Variants in POF1B observed in about 807,000 individuals in gnomAD.
POF1B encodes POF1B actin binding protein.
Under a neutral mutation model 55.3 loss-of-function variants are expected in POF1B, and 53 were observed. The observed-to-expected ratio is 0.96, with a 90% CI of 0.77 to 1.20. The LOEUF is 1.20. POF1B is among the 50% of genes most tolerant of loss of function. POF1B has a pLI of 0.00. For synonymous variants in POF1B, 188 were observed against 148.3 expected (o/e 1.27, Z -1.95); for missense variants, 478 against 420.5 (o/e 1.14, Z -1.20).
At chrX:85,359,036 A>G (rs1933556015) in intron 4 of POF1B, among the ~76,000 whole-genome samples, 1 of 111,067 alleles carries the variant, frequency 9.0e-6, no homozygotes, top group Non-Finnish European at 1.9e-5. Flanking sequence ...AAAAAAATGT[A>G]ATTTTCTAAA....
In POF1B at chrX:85,378,786, C is replaced by CA. The variant is rs763508325; in HGVS notation, c.282+386dup. Reference sequence around the variant, plus strand: ...GTACCTGTATCACCATATTTGATACCAAAAAAAACCTGTTTGCTTCTGATA... The same window carrying CA: ...GTACCTGTATCACCATATTTGATACCAAAAAAAAACCTGTTTGCTTCTGATA... On this transcript the variant is annotated intron_variant, in intron 2 of 16. Transcript: ENST00000262753. 2.5e-3 allele frequency among the ~76,000 whole-genome samples: 283 copies of CA among 111,026 alleles called. 1 individual carries two copies. The highest frequency in any genetic ancestry group is 6.7e-3 in the African/African-American group (204 of 30,581).
intron 15 of POF1B, among the ~76,000 whole-genome samples, chrX:85,284,038 C>T (rs1042055037): frequency 1.1e-4 from 12 of 110,780 alleles, no homozygotes; most frequent in African/African-American, 3.9e-4. Context: ...AGCCAAATCA[C>T]GAGTGAACTC....
intron 6 of POF1B, among the ~76,000 whole-genome samples, chrX:85,342,138 C>T (rs1933184207): frequency 9.0e-6 from 1 of 111,431 alleles, no homozygotes; most frequent in South Asian, 3.7e-4. Context: ...GCAAGTTATC[C>T]TTAATTTCTT....
chrX:85,278,072 G>A lies in POF1B; in HGVS notation c.*1349C>T, dbSNP rs1217672828. On this transcript the variant is annotated 3_prime_UTR_variant, in exon 17 of 17. Coordinates refer to ENST00000262753, the MANE Select transcript of POF1B (RefSeq NM_024921.4). ...TGTTATGGAGCTTAACATTTTAGCC[G>A]AAATATTAAGATAATATAAATAAGG... 9.0e-6 allele frequency: 1 copy of A among 110,619 alleles called. No homozygotes were observed. The highest frequency in any genetic ancestry group is 1.9e-5 in the Non-Finnish European group (1 of 52,434). 9.1% of individuals were successfully genotyped at this position (110,619 alleles called of 1,213,427 possible).
intron 4 of POF1B, among the ~76,000 whole-genome samples, chrX:85,357,734 G>C (rs1933530561): frequency 9.0e-6 from 1 of 110,573 alleles, no homozygotes; most frequent in South Asian, 3.9e-4. Flanking sequence ...CATTTCTCAA[G>C]GTTCTGACCC....
At chrX:85,324,624 T>C (rs1256712680) in intron 7 of POF1B, among the ~76,000 whole-genome samples, 1 of 111,648 alleles carries the variant, frequency 9.0e-6, no homozygotes, top group African/African-American at 3.3e-5. Context: ...CATGAGTCTC[T>C]TGAAGATAGG....
intron 9 of POF1B, among the ~76,000 whole-genome samples, chrX:85,312,813 A>C (rs769395675): frequency 1.1e-3 from 125 of 111,570 alleles, no homozygotes; most frequent in African/African-American, 3.9e-3. Context: ...ATAACAATGG[A>C]ATGTTTTTCC....
intron 14 of POF1B, 88 bp from the exon 15 acceptor site, chrX:85,303,576 C>T (rs775347786): frequency 3.2e-6 from 2 of 625,256 alleles, no homozygotes; most frequent in Non-Finnish European, 4.9e-6. Flanking sequence ...GGGTTACTAA[C>T]AATGATTATA....
At chrX:85,366,749 T>C (rs949994131) in intron 3 of POF1B, among the ~76,000 whole-genome samples, 1 of 111,234 alleles carries the variant, frequency 9.0e-6, no homozygotes, top group Non-Finnish European at 1.9e-5. Flanking sequence ...TTGAAAATAG[T>C]GATTGTGTCT....
At chrX:85,369,369 T>C (rs1254541890) in intron 2 of POF1B, among the ~76,000 whole-genome samples, 1 of 111,325 alleles carries the variant, frequency 9.0e-6, no homozygotes, top group Non-Finnish European at 1.9e-5. Context: ...GCTCTTTAGT[T>C]ATGGAATAAC....
chrX:85,374,226 A>G (rs1053604181), intron 2 of POF1B, among the ~76,000 whole-genome samples: 54 of 111,786 alleles, frequency 4.8e-4, no homozygotes, highest in African/African-American at 1.7e-3. Flanking sequence ...TCATGATTGC[A>G]TATTTATTTA....
In POF1B at chrX:85,305,863, C is replaced by G. The variant is rs1442055459; in HGVS notation, c.1365G>C (p.Glu455Asp). The G allele has an allele frequency of 2.5e-6, 3 of 1,208,170 alleles. No individual in the cohort carries two copies. Among genetic ancestry groups the G allele is most frequent in the Non-Finnish European group, 3.4e-6 (3 of 894,007 alleles). The change falls in exon 13 of 17, where the codon GAG (glutamate) becomes GAC (aspartate). Residue 455 changes from glutamate (E) to aspartate (D), a missense_variant. Transcript: ENST00000262753. ...TGPMLQAKMD[E>D]IGNHYTEMVK... ...CCATCTCCGTGTAGTGGTTGCCAAT[C>G]TCATCCATTTTAGCCTGCAACATTG...
chrX:85,286,753 G>T (rs1407516503), intron 15 of POF1B, among the ~76,000 whole-genome samples: 1 of 111,141 alleles, frequency 9.0e-6, no homozygotes, highest in Non-Finnish European at 1.9e-5. Flanking sequence ...AAATGTAGCA[G>T]TCCTAAATGT....
In POF1B at chrX:85,373,904, T is replaced by C. The variant is rs143358995; in HGVS notation, c.282+5269A>G. 6.0e-3 allele frequency among the ~76,000 whole-genome samples: 667 copies of C among 110,796 alleles called. 1 individual carries two copies. The highest frequency in any genetic ancestry group is 9.6e-3 in the Non-Finnish European group (508 of 52,881). On this transcript the variant is annotated intron_variant, in intron 2 of 16. Coordinates refer to ENST00000262753, the MANE Select transcript of POF1B (RefSeq NM_024921.4). ...GAGTGAAAGACATAGCTGTGGAAAA[T>C]TGGGGACTTTATTTAGAGAACAATC...
At chrX:85,319,568 T>C (rs1258187933) in intron 7 of POF1B, among the ~76,000 whole-genome samples, 1 of 111,768 alleles carries the variant, frequency 8.9e-6, no homozygotes, top group Admixed American at 9.6e-5. Flanking sequence ...TTGAGAGTTT[T>C]TAACATAAAG....
intron 7 of POF1B, among the ~76,000 whole-genome samples, chrX:85,328,307 T>C (rs1932923610): frequency 9.2e-6 from 1 of 108,378 alleles, no homozygotes; most frequent in Non-Finnish European, 1.9e-5. Context: ...CGGGTTCACG[T>C]CATTCTCCTG....
chrX:85,294,763 A>G (rs1932272992), intron 15 of POF1B, among the ~76,000 whole-genome samples: 1 of 111,359 alleles, frequency 9.0e-6, no homozygotes, highest in South Asian at 3.7e-4. Context: ...TTCCTCCTCT[A>G]TTTTTGGAAT....
chrX:85,292,509 G>C (rs1335688332), intron 15 of POF1B, among the ~76,000 whole-genome samples: 1 of 111,955 alleles, frequency 8.9e-6, no homozygotes, highest in African/African-American at 3.3e-5. Flanking sequence ...CAGCAGGAAT[G>C]GTCCCAGCTC....
At chrX:85,322,682 T>C (rs951712609) in intron 7 of POF1B, among the ~76,000 whole-genome samples, 5 of 111,367 alleles carry the variant, frequency 4.5e-5, no homozygotes, top group Non-Finnish European at 9.4e-5. Flanking sequence ...AGAAAATTTT[T>C]GCAATCTACT....
Sources: allele counts gnomAD v4.1 joint callset (sites outside exome capture counted in the v4.1 genomes callset), GRCh38; gene constraint gnomAD v4.1.1; transcripts MANE v1.5; gene names NCBI Gene and HGNC (gene_info 2026-07-23, HGNC 2026-07-21).